CRYBG1: variants seen among roughly 807,000 people sequenced by gnomAD.
CRYBG1 encodes the protein crystallin beta-gamma domain containing 1, also known as beta/gamma crystallin domain-containing protein 1.
CRYBG1 carries 139 observed loss-of-function variants against 189.2 expected under a neutral mutation model. The observed-to-expected ratio is 0.73, with a 90% CI of 0.64 to 0.85. The LOEUF (loss-of-function observed/expected upper bound fraction) is 0.85. Ranked by LOEUF, CRYBG1 falls within the 40% of genes least tolerant of loss-of-function variation. The pLI, the probability that CRYBG1 is intolerant of heterozygous loss-of-function variation, is 0.00. For synonymous variants in CRYBG1, 1,023 were observed against 1,017.1 expected (o/e 1.01, Z -0.11); for missense variants, 2,611 against 2,675.8 (o/e 0.98, Z 0.53).
At chr6:106,498,933 A>G (rs1772920238) in intron 2 of CRYBG1, among the ~76,000 whole-genome samples, 1 of 152,160 alleles carries the variant, frequency 6.6e-6, no homozygotes, top group Non-Finnish European at 1.5e-5. Context: ...TGAAAGGACA[A>G]TATACCAAAC....
intron 1 of CRYBG1, among the ~76,000 whole-genome samples, chr6:106,442,659 C>T (rs1450565310): frequency 6.6e-6 from 1 of 152,170 alleles, no homozygotes; most frequent in African/African-American, 2.4e-5. Flanking sequence ...AATCAAACCA[C>T]CTTTGCAGAA....
chr6:106,529,872 G>A (rs1238267206), intron 7 of CRYBG1, among the ~76,000 whole-genome samples: 1 of 152,208 alleles, frequency 6.6e-6, no homozygotes. Flanking sequence ...CCAGACCAAA[G>A]AGGACCAAGT....
intron 2 of CRYBG1, among the ~76,000 whole-genome samples, chr6:106,506,705 G>A (rs150460199): frequency 0.032 from 4,894 of 151,860 alleles, 110 homozygotes; most frequent in Non-Finnish European, 0.049. Flanking sequence ...CACCCACCTC[G>A]GCCTCCCAAA....
chr6:106,551,022 T>G (rs756686649), intron 13 of CRYBG1, among the ~76,000 whole-genome samples: 20 of 152,196 alleles, frequency 1.3e-4, no homozygotes, highest in Non-Finnish European at 2.6e-4. Context: ...AGGGGGTACA[T>G]GTGCAGGTTT....
chr6:106,523,096 C>G (rs1773648644), intron 4 of CRYBG1, among the ~76,000 whole-genome samples: 1 of 152,130 alleles, frequency 6.6e-6, no homozygotes. Context: ...CATCATGGAG[C>G]CTTGTACTCC....
rs757509100 is a variant in CRYBG1 at position 106,520,419 on chromosome 6, C to G, written c.3211C>G (p.Gln1071Glu). 6.2e-7 allele frequency: 1 copy of G among 1,614,180 alleles called. No individual in the cohort carries two copies. The highest frequency in any genetic ancestry group is 8.5e-7 in the Non-Finnish European group (1 of 1,180,032). Reference sequence around the variant, plus strand: ...CAGCGGAAATCACTTAGCCACTCCTCAAAGGCCAGATCAGACTGTTACAAA... The same window carrying G: ...CAGCGGAAATCACTTAGCCACTCCTGAAAGGCCAGATCAGACTGTTACAAA... The part of the protein sequence containing the change: ...PSSGNHLATP[Q>E]RPDQTVTNGQ... Residue 1071 changes from glutamine to glutamate, a missense_variant, in exon 4 of 22, where the codon CAA becomes GAA. Coordinates refer to ENST00000633556, the MANE Select transcript of CRYBG1 (RefSeq NM_001371242.2).
intron 1 of CRYBG1, among the ~76,000 whole-genome samples, chr6:106,434,568 G>C (rs1423638838): frequency 6.6e-6 from 1 of 152,176 alleles, no homozygotes; most frequent in Non-Finnish European, 1.5e-5. Flanking sequence ...CAAGCCTCTA[G>C]ACTCCTAAAA....
chr6:106,362,136 AT>A (rs66864729), intron 1 of CRYBG1, among the ~76,000 whole-genome samples: 98,614 of 148,700 alleles, frequency 0.66, 32,891 homozygotes, highest in African/African-American at 0.73. Context: ...CGCCCGGCTA[AT>A]TTTTTGTATT....
At position 106,571,705 on chromosome 6, in the gene CRYBG1, C is replaced by A; in HGVS notation, c.*3139C>A. 6.3e-6 allele frequency: 2 copies of A among 315,712 alleles called. No homozygotes were observed. Among genetic ancestry groups the A allele is most frequent in the Non-Finnish European group, 1.2e-5 (2 of 167,216 alleles). 19.6% of individuals were successfully genotyped at this position (315,712 alleles called of 1,614,324 possible). A position where few individuals can be genotyped will look rare whatever the true frequency, so the allele number is the denominator to read the frequency against. ...GACCCTGTCTCTAAAACAAAAAAGA[C>A]AATAAAGTAGTTTAAGCTAGTAAAA... On this transcript the variant is annotated 3_prime_UTR_variant, in exon 22 of 22. Coordinates refer to ENST00000633556, the MANE Select transcript of CRYBG1 (RefSeq NM_001371242.2).
chr6:106,369,229 G>C (rs1031638110), intron 1 of CRYBG1, among the ~76,000 whole-genome samples: 1 of 152,146 alleles, frequency 6.6e-6, no homozygotes, highest in Non-Finnish European at 1.5e-5. Context: ...ACAAGTAAAG[G>C]TTGCACCCAT....
chr6:106,367,477 C>T (rs1459364234), intron 1 of CRYBG1, among the ~76,000 whole-genome samples: 1 of 149,124 alleles, frequency 6.7e-6, no homozygotes, highest in Non-Finnish European at 1.5e-5. Flanking sequence ...ATCCCGTCTA[C>T]TTGGGAGGTT....
chr6:106,545,203 G>A (rs879366061), intron 13 of CRYBG1, among the ~76,000 whole-genome samples: 3 of 152,144 alleles, frequency 2.0e-5, no homozygotes, highest in South Asian at 2.1e-4. Flanking sequence ...ATTCTGCACA[G>A]AAAGATAGTG....
At position 106,360,988 on chromosome 6, in the gene CRYBG1, A is replaced by G; in HGVS notation, c.80A>G (p.His27Arg). The change falls in exon 1 of 22, where the codon CAC becomes CGC. Residue 27 changes from histidine (H) to arginine (R), a missense_variant. Transcript: ENST00000633556. ...CCCCCTAAGAAGCACACCACCTTCCACCTCTGGCGCTCCAAAAAGAAGCAG... is the reference window on the plus strand; with the variant it reads ...CCCCCTAAGAAGCACACCACCTTCCGCCTCTGGCGCTCCAAAAAGAAGCAG... ...CRPPKKHTTF[H>R]LWRSKKKQQP... The G allele has an allele frequency of 6.5e-7, 1 of 1,534,798 alleles. No individual in the cohort carries two copies. The highest frequency in any genetic ancestry group is 8.7e-7 in the Non-Finnish European group (1 of 1,146,466).
At position 106,520,784 on chromosome 6, in the gene CRYBG1, A is replaced by G. The variant is rs1562102185; in HGVS notation, c.3576A>G (p.Ala1192=). 6.2e-7 allele frequency: 1 copy of G among 1,614,190 alleles called. No individual in the cohort carries two copies. The highest frequency in any genetic ancestry group is 8.5e-7 in the Non-Finnish European group (1 of 1,180,036). Residue 1192 remains alanine, a synonymous_variant, in exon 4 of 22, where the codon GCA becomes GCG. Transcript: ENST00000633556. ...AATCCAAACTGAGACCCAAACGTGCATCTGCTGAACAGAGCGTCCTCTTCA... is the reference window on the plus strand; with the variant it reads ...AATCCAAACTGAGACCCAAACGTGCGTCTGCTGAACAGAGCGTCCTCTTCA... ...DTKSKLRPKR[A]SAEQSVLFKS...
intron 1 of CRYBG1, among the ~76,000 whole-genome samples, chr6:106,392,975 A>G (rs987847908): frequency 6.6e-6 from 1 of 152,132 alleles, no homozygotes; most frequent in Non-Finnish European, 1.5e-5. Flanking sequence ...GGATTTCACC[A>G]TGTTGGCCAG....
intron 1 of CRYBG1, among the ~76,000 whole-genome samples, chr6:106,394,631 T>C (rs1387486677): frequency 6.6e-6 from 1 of 152,206 alleles, no homozygotes; most frequent in Non-Finnish European, 1.5e-5. Flanking sequence ...AGCTTGTTTT[T>C]GAAGGTAACA....
chr6:106,370,217 G>A lies in CRYBG1; in HGVS notation c.173+9136G>A, dbSNP rs149686092. On this transcript the variant is annotated intron_variant, in intron 1 of 21. Coordinates refer to ENST00000633556, the MANE Select transcript of CRYBG1 (RefSeq NM_001371242.2). ...TCAAAAGTATATATTATAAATGAAAGTATCATGTGTAGATTCTGAGTTTGG... is the reference window on the plus strand; with the variant it reads ...TCAAAAGTATATATTATAAATGAAAATATCATGTGTAGATTCTGAGTTTGG... Among the ~76,000 whole-genome samples, 249 of 152,280 alleles carry A rather than the reference G, an allele frequency of 1.6e-3. 2 individuals carry two copies. Among genetic ancestry groups the A allele is most frequent in the African/African-American group, 5.7e-3 (235 of 41,556 alleles).
intron 8 of CRYBG1, among the ~76,000 whole-genome samples, chr6:106,534,203 C>T (rs181758675): frequency 6.6e-6 from 1 of 152,288 alleles, no homozygotes; most frequent in African/African-American, 2.4e-5. Flanking sequence ...TGTTGAAGCA[C>T]ATTAATCTAC....
At chr6:106,397,975 G>A (rs1770645536) in intron 1 of CRYBG1, among the ~76,000 whole-genome samples, 1 of 152,096 alleles carries the variant, frequency 6.6e-6, no homozygotes, top group South Asian at 2.1e-4. Flanking sequence ...GTGTCATCAA[G>A]GGAGGTACTC....
Sources: allele counts gnomAD v4.1 joint callset (sites outside exome capture counted in the v4.1 genomes callset), GRCh38; gene constraint gnomAD v4.1.1; transcripts MANE v1.5; gene names NCBI Gene and HGNC (gene_info 2026-07-23, HGNC 2026-07-21).